The following STARD3NL variants were observed in gnomAD, a reference collection of about 807,000 sequenced individuals.
STARD3NL encodes STARD3 N-terminal like, also known as STARD3 N-terminal-like protein.
In STARD3NL, 17 loss-of-function variants were observed where a neutral mutation model predicts 30.9. The observed-to-expected ratio is 0.55, with a 90% CI of 0.38 to 0.82. The LOEUF is 0.82. STARD3NL is among the 40% of genes least tolerant of loss of function. The pLI is 0.00. For missense variants in STARD3NL, 234 were observed against 277.6 expected (o/e 0.84, Z 1.12); for synonymous variants, 112 against 100.5 (o/e 1.11, Z -0.69).
chr7:38,218,554 T>C (rs1786258997), intron 6 of STARD3NL, among the ~76,000 whole-genome samples: 1 of 152,190 alleles, frequency 6.6e-6, no homozygotes, highest in Admixed American at 6.5e-5. Context: ...GCTTGAATGG[T>C]TATAGGATTA....
In STARD3NL at chr7:38,230,085, T is replaced by C. The variant is rs530045527; in HGVS notation, c.*180T>C. 1 of 152,666 alleles carries C rather than the reference T, an allele frequency of 6.6e-6. No individual in the cohort carries two copies. The highest frequency in any genetic ancestry group is 1.9e-4 in the East Asian group (1 of 5,194). 9.5% of individuals were successfully genotyped at this position (152,666 alleles called of 1,614,324 possible). ...CCTCACAGACGTTGTACCATATCCA[T>C]GCACATTTAGTTGCCTGCCTGTGGC... On this transcript the variant is annotated 3_prime_UTR_variant, in exon 9 of 9. Transcript: ENST00000009041.
intron 7 of STARD3NL, among the ~76,000 whole-genome samples, chr7:38,221,964 G>A (rs901776952): frequency 6.6e-6 from 1 of 151,986 alleles, no homozygotes; most frequent in African/African-American, 2.4e-5. Context: ...CCTTCCCATC[G>A]CTCCCGGCAG....
intron 1 of STARD3NL, among the ~76,000 whole-genome samples, chr7:38,198,694 CAGG>C (rs1785037336): frequency 6.6e-6 from 1 of 152,202 alleles, no homozygotes; most frequent in South Asian, 2.1e-4. Context: ...TGGCTGTCAA[CAGG>C]AGGTGCACAG....
chr7:38,195,574 A>G (rs1466594663), intron 1 of STARD3NL, among the ~76,000 whole-genome samples: 1 of 152,244 alleles, frequency 6.6e-6, no homozygotes, highest in Non-Finnish European at 1.5e-5. Flanking sequence ...TGTATAGTCA[A>G]GTTCAGTGAT....
Position 38,207,611 on chromosome 7 carries a change from G to C in STARD3NL, c.107G>C (p.Arg36Thr), listed in dbSNP as rs1407059177. The C allele has an allele frequency of 6.2e-7, 1 of 1,614,044 alleles. No individual in the cohort carries two copies. Among genetic ancestry groups the C allele is most frequent in the Admixed American group, 1.7e-5 (1 of 60,004 alleles). Residue 36 changes from arginine (R) to threonine (T), a missense_variant, in exon 2 of 9, where the codon AGG (arginine) becomes ACG (threonine). By Grantham distance (71) the Arg-to-Thr change is moderately conservative. Transcript: ENST00000009041. ...ATCAACCCCACACAACTCATGGCCA[G>C]GATTGAGTCCTATGAAGGAAGGGAA... ...HSINPTQLMARIESYEGREKK... is the reference protein window; with the variant it reads ...HSINPTQLMATIESYEGREKK...
chr7:38,180,962 A>G (rs12056051), intron 1 of STARD3NL, among the ~76,000 whole-genome samples: 12,666 of 152,212 alleles, frequency 0.083, 647 homozygotes, highest in Middle Eastern at 0.15. Flanking sequence ...CTATCAATAT[A>G]TTTCTGTACA....
At chr7:38,215,165 T>A in intron 4 of STARD3NL, 60 bp downstream of exon 4, 1 of 1,496,924 alleles carries the variant, frequency 6.7e-7, no homozygotes, top group Non-Finnish European at 9.3e-7. Context: ...AGTCCTGCTC[T>A]CAACAGGCCT....
intron 1 of STARD3NL, among the ~76,000 whole-genome samples, chr7:38,192,791 A>G (rs755177964): frequency 4.6e-5 from 7 of 152,178 alleles, no homozygotes; most frequent in Non-Finnish European, 7.3e-5. Flanking sequence ...TACAATTCAG[A>G]TTTCTGGCAT....
chr7:38,198,043 G>A (rs1252286807), intron 1 of STARD3NL, among the ~76,000 whole-genome samples: 3 of 152,240 alleles, frequency 2.0e-5, no homozygotes, highest in Non-Finnish European at 4.4e-5. Context: ...AGCCATGGCA[G>A]TCTGTCCTTT....
At chr7:38,217,483 A>G (rs189072661) in intron 6 of STARD3NL, among the ~76,000 whole-genome samples, 178 bp downstream of exon 6, 76 of 152,288 alleles carry the variant, frequency 5.0e-4, no homozygotes, top group Non-Finnish European at 3.8e-4. Context: ...TGAAAGGGTA[A>G]GTAACAGAAA....
intron 7 of STARD3NL, among the ~76,000 whole-genome samples, chr7:38,222,107 A>G (rs1162300232): frequency 6.7e-6 from 1 of 150,204 alleles, no homozygotes; most frequent in Non-Finnish European, 1.5e-5. Flanking sequence ...AGACTACATC[A>G]TTGTATTCCC....
chr7:38,222,240 C>T (rs1231060601), intron 7 of STARD3NL, among the ~76,000 whole-genome samples: 1 of 150,446 alleles, frequency 6.6e-6, no homozygotes. Flanking sequence ...AAGATTACAG[C>T]CATGTGAAAT....
chr7:38,197,206 C>T (rs10265978), intron 1 of STARD3NL, among the ~76,000 whole-genome samples: 118,077 of 141,214 alleles, frequency 0.84, 49,043 homozygotes, highest in African/African-American at 0.89. Context: ...TTCTCTCTCT[C>T]TCTTTCCCTC....
At chr7:38,226,596 C>G (rs983538551) in intron 7 of STARD3NL, among the ~76,000 whole-genome samples, 2 of 152,236 alleles carry the variant, frequency 1.3e-5, no homozygotes, top group Non-Finnish European at 2.9e-5. Context: ...CTTTCCTGCT[C>G]TCTCTGCGTA....
At chr7:38,205,948 C>T (rs899187298) in intron 1 of STARD3NL, among the ~76,000 whole-genome samples, 4 of 152,166 alleles carry the variant, frequency 2.6e-5, no homozygotes, top group Admixed American at 6.5e-5. Context: ...TTTAGGGTTA[C>T]AAGATCAGGA....
In STARD3NL at chr7:38,214,400, A is replaced by G; in HGVS notation, c.269A>G (p.Gln90Arg). The G allele has an allele frequency of 6.2e-6, 10 of 1,608,042 alleles. No individual in the cohort carries two copies. Among genetic ancestry groups the G allele is most frequent in the Non-Finnish European group, 8.5e-6 (10 of 1,175,400 alleles). The change falls in exon 3 of 9, where the codon CAG becomes CGG. Residue 90 changes from glutamine (Q) to arginine (R), a missense_variant. Gln to Arg is a conservative substitution (Grantham distance 43). Coordinates refer to ENST00000009041, the MANE Select transcript of STARD3NL (RefSeq NM_032016.4). ...AACACATTAGAGAAGGAGGTGATGC[A>G]GTATGACTACTATTCTTCATATTTT... ...IENTLEKEVM[Q>R]YDYYSSYFDI...
rs1401748381 is a variant in STARD3NL, at chr7:38,224,411, G to A, written c.650-4388G>A. Among the ~76,000 whole-genome samples, 10 of 152,140 alleles carry A rather than the reference G, an allele frequency of 6.6e-5. No homozygotes were observed. In the East Asian group the frequency reaches 1.2e-3, roughly 18 times the overall value. On this transcript the variant is annotated intron_variant, in intron 7 of 8. Coordinates refer to ENST00000009041, the MANE Select transcript of STARD3NL (RefSeq NM_032016.4). ...CTTGATCGTGGCTGTTTTATTTTAC[G>A]TTCCCTCCAATAATGTACAGTAGTC...
intron 4 of STARD3NL, 92 bp downstream of exon 4, chr7:38,215,197 C>A: frequency 1.6e-6 from 2 of 1,227,442 alleles, no homozygotes; most frequent in Non-Finnish European, 1.2e-6. Flanking sequence ...AGATACAGTT[C>A]TAATGCAGGT....
intron 2 of STARD3NL, among the ~76,000 whole-genome samples, chr7:38,211,807 A>G (rs914282127): frequency 6.6e-6 from 1 of 152,118 alleles, no homozygotes; most frequent in African/African-American, 2.4e-5. Context: ...AAATGCAGAG[A>G]CTTAGGCCAA....
Sources: gnomAD v4.1 joint callset for allele counts (sites outside exome capture counted in the v4.1 genomes callset) on GRCh38, gnomAD v4.1.1 for gene constraint, MANE v1.5 for transcripts, NCBI Gene and HGNC (gene_info 2026-07-23, HGNC 2026-07-21) for gene names.